Variants in PTGER3 observed in about 807,000 individuals in gnomAD.
PTGER3 encodes prostaglandin E receptor 3.
PTGER3 carries 22 observed loss-of-function variants against 34.7 expected under a neutral mutation model. The ratio of observed to expected loss-of-function variants is 0.63; its 90% CI spans 0.45 to 0.91. The LOEUF (loss-of-function observed/expected upper bound fraction) is 0.91. Among genes scored for constraint, PTGER3 ranks in the 40% least tolerant of loss-of-function variants. The pLI, the probability that PTGER3 is intolerant of heterozygous loss-of-function variation, is 0.00. For synonymous variants in PTGER3, 241 were observed against 230.1 expected, an observed-to-expected ratio of 1.05 and a Z score of -0.43; for missense variants, 468 against 519.4, an observed-to-expected ratio of 0.90 and a Z score of 0.96.
intron 2 of PTGER3, among the ~76,000 whole-genome samples, chr1:70,986,295 C>T (rs548937481): frequency 6.6e-6 from 1 of 152,278 alleles, no homozygotes; most frequent in South Asian, 2.1e-4. Context: ...TATTCCTTTA[C>T]TTTCTTAATA....
chr1:71,047,258 G>T lies in PTGER3; in HGVS notation c.320C>A (p.Thr107Asn). The T allele has an allele frequency of 1.9e-6, 3 of 1,596,478 alleles. No homozygotes were observed. Among genetic ancestry groups the T allele is most frequent in the Non-Finnish European group, 2.6e-6 (3 of 1,172,156 alleles). ...CAGGTACACGACGATGACGACCGGGGTGGTGAGAAGCTGCCCGACCAGGTC... is the reference window on the plus strand; with the variant it reads ...CAGGTACACGACGATGACGACCGGGTTGGTGAGAAGCTGCCCGACCAGGTC... ...LTDLVGQLLT[T>N]PVVIVVYLSK... The change falls in exon 1 of 4, where the codon ACC (threonine) becomes AAC (asparagine). Residue 107 changes from threonine to asparagine, a missense_variant. Physicochemically the swap from Thr to Asn is moderately conservative, Grantham distance 65 (BLOSUM62 0). This residue lies in a region of PTGER3 where 53 missense variants were observed against 93.9 expected (regional missense o/e 0.56). Transcript: ENST00000306666.
chr1:70,908,081 C>T (rs1159321206), intron 4 of PTGER3, among the ~76,000 whole-genome samples: 2 of 152,156 alleles, frequency 1.3e-5, no homozygotes, highest in Non-Finnish European at 2.9e-5. Flanking sequence ...TCCTTTCATC[C>T]TCTGATTAAT....
intron 4 of PTGER3, among the ~76,000 whole-genome samples, chr1:70,880,648 C>T (rs1646370545): frequency 6.6e-6 from 1 of 150,404 alleles, no homozygotes; most frequent in Admixed American, 6.6e-5. Flanking sequence ...TGAGATTGTG[C>T]CACTTCACTC....
At position 70,904,993 on chromosome 1, in the gene PTGER3, T is replaced by C. The variant is rs372087544; in HGVS notation, c.*23+48770A>G. Among the ~76,000 whole-genome samples, 365 of 152,280 alleles carry C rather than the reference T, an allele frequency of 2.4e-3. 1 individual carries two copies. Among genetic ancestry groups the C allele is most frequent in the African/African-American group, 8.4e-3 (350 of 41,556 alleles). The stretch of plus-strand genomic sequence containing the variant: ...TGGGTTGGGCCTAAGGTCCCTGTGC[T>C]GTGTGCAACCTAGGGACTTGGTGCC... On this transcript the variant is annotated intron_variant, in intron 4 of 4. Coordinates refer to the PTGER3 transcript ENST00000370931.
chr1:70,935,672 A>AT (rs59431299), intron 4 of PTGER3, among the ~76,000 whole-genome samples: 14,042 of 140,028 alleles, frequency 0.1, 813 homozygotes, highest in Middle Eastern at 0.15. Flanking sequence ...TACAAATATA[A>AT]ATATATATAT....
chr1:71,006,799 C>T (rs1657008403), intron 2 of PTGER3: 1 of 985,368 alleles, frequency 1.0e-6, no homozygotes, highest in Non-Finnish European at 1.2e-6. Flanking sequence ...AAATACTTAA[C>T]ATAGTTATAG....
At chr1:70,908,972 C>T (rs2100380260) in intron 4 of PTGER3, among the ~76,000 whole-genome samples, 1 of 152,238 alleles carries the variant, frequency 6.6e-6, no homozygotes, top group Non-Finnish European at 1.5e-5. Context: ...TAGTGCAGAG[C>T]TAGGATTCAA....
intron 1 of PTGER3, among the ~76,000 whole-genome samples, chr1:71,014,927 C>T (rs530751474): frequency 2.0e-5 from 3 of 152,266 alleles, no homozygotes; most frequent in East Asian, 3.9e-4. Flanking sequence ...CATTGTCCAT[C>T]GAACAGAAAT....
At chr1:71,021,735 C>G (rs1464498720) in intron 1 of PTGER3, among the ~76,000 whole-genome samples, 2 of 151,610 alleles carry the variant, frequency 1.3e-5, no homozygotes, top group East Asian at 3.9e-4. Context: ...CAACTAAACA[C>G]TTAAAGGAAA....
chr1:70,965,885 G>A (rs1652466186), downstream of PTGER3, among the ~76,000 whole-genome samples: 1 of 152,072 alleles, frequency 6.6e-6, no homozygotes, highest in South Asian at 2.1e-4. Flanking sequence ...ATATGTACTT[G>A]GAATTTTATT....
intron 2 of PTGER3, among the ~76,000 whole-genome samples, chr1:71,004,400 T>C (rs1210998029): frequency 6.6e-6 from 1 of 152,196 alleles, no homozygotes; most frequent in Non-Finnish European, 1.5e-5. Flanking sequence ...ACCTGAGGAA[T>C]TGAAGACTGG....
At chr1:70,856,756 C>T (rs1645815567) in intron 4 of PTGER3, among the ~76,000 whole-genome samples, 1 of 152,168 alleles carries the variant, frequency 6.6e-6, no homozygotes, top group African/African-American at 2.4e-5. Flanking sequence ...GTACCCTTCA[C>T]TCACTTTCTC....
At chr1:70,901,445 T>C (rs1454627919) in intron 4 of PTGER3, among the ~76,000 whole-genome samples, 1 of 152,192 alleles carries the variant, frequency 6.6e-6, no homozygotes, top group Non-Finnish European at 1.5e-5. Context: ...CGAAATTAAG[T>C]TGTATTATAG....
chr1:70,912,925 AAG>A (rs1647091543), intron 4 of PTGER3, among the ~76,000 whole-genome samples: 1 of 151,980 alleles, frequency 6.6e-6, no homozygotes, highest in African/African-American at 2.4e-5. Context: ...TTTTGGAGTC[AAG>A]TAGTATAAGT....
chr1:70,875,253 G>T (rs1278904952), intron 4 of PTGER3, among the ~76,000 whole-genome samples: 1 of 152,158 alleles, frequency 6.6e-6, no homozygotes, highest in East Asian at 1.9e-4. Flanking sequence ...GATCTGAAGG[G>T]TGTGATCAAC....
intron 2 of PTGER3, chr1:71,005,779 G>A: frequency 2.4e-6 from 2 of 839,006 alleles, no homozygotes; most frequent in Non-Finnish European, 2.9e-6. Flanking sequence ...ATGAAACTGG[G>A]GAATGTCTCA....
At chr1:70,904,163 C>T (rs547751675) in intron 4 of PTGER3, among the ~76,000 whole-genome samples, 27 of 152,282 alleles carry the variant, frequency 1.8e-4, no homozygotes, top group Middle Eastern at 3.4e-3. Flanking sequence ...GTGACTTGCT[C>T]CTCCTTGCCT....
intron 4 of PTGER3, among the ~76,000 whole-genome samples, chr1:70,883,171 C>A (rs1351750650): frequency 6.6e-6 from 1 of 152,114 alleles, no homozygotes; most frequent in African/African-American, 2.4e-5. Flanking sequence ...ACAGTTGAAA[C>A]TTGTTGAACA....
chr1:70,995,259 G>T (rs2100787398), intron 2 of PTGER3, among the ~76,000 whole-genome samples: 1 of 152,184 alleles, frequency 6.6e-6, no homozygotes, highest in Middle Eastern at 3.4e-3. Flanking sequence ...TTTGGGGAGA[G>T]GATTCAAAAA....
Sources: gnomAD v4.1 joint callset for allele counts (sites outside exome capture counted in the v4.1 genomes callset) on GRCh38, gnomAD v4.1.1 for gene constraint, gnomAD v4.1.1 regional missense constraint, MANE v1.5 for transcripts, NCBI Gene and HGNC (gene_info 2026-07-23, HGNC 2026-07-21) for gene names.